The following SYNE2 variants were observed in gnomAD, a reference collection of about 807,000 sequenced individuals.
The protein encoded by SYNE2 is nesprin-2.
SYNE2 carries 431 observed loss-of-function variants against 856.3 expected under a neutral mutation model. That is an observed-to-expected ratio of 0.50 (90% CI 0.47 to 0.55). The LOEUF is 0.55. Ranked by LOEUF, SYNE2 falls within the 20% of genes least tolerant of loss-of-function variation. The probability of loss-of-function intolerance (pLI) is 0.00; values close to 1 mark genes in which losing one functional copy is unlikely to be tolerated. For synonymous variants in SYNE2, 2,923 were observed against 2,872.3 expected (o/e 1.02, Z -0.56); for missense variants, 8,129 against 8,023.2 (o/e 1.01, Z -0.50).
chr14:64,000,467 C>T, intron 27 of SYNE2, 95 bp from the exon 28 acceptor site: 1 of 1,143,922 alleles, frequency 8.7e-7, no homozygotes, highest in Non-Finnish European at 1.3e-6. Context: ...ATTGTGTTTG[C>T]TTCCACAGTT....
Position 64,098,072 on chromosome 14 carries a change from G to A in SYNE2, c.12232G>A (p.Val4078Ile), listed in dbSNP as rs1434469003. The change falls in exon 62 of 116, where the codon GTA (valine) becomes ATA (isoleucine). Residue 4078 changes from valine (V) to isoleucine (I), a missense_variant. Val to Ile is a conservative substitution (Grantham distance 29). Around this residue, in one of 3 missense-constraint regions of SYNE2, gnomAD observed 5,410 missense variants for 5,284.8 expected, o/e 1.02. Coordinates refer to ENST00000555002, the MANE Select transcript of SYNE2 (RefSeq NM_182914.3). ...HQHLKQEQEG[V>I]ERDRLPAVTS... The stretch of plus-strand genomic sequence containing the variant: ...GCATTTGAAGCAAGAACAAGAAGGA[G>A]TAGAAAGAGATAGGCTGCCAGCTGT... 3.1e-6 allele frequency: 5 copies of A among 1,614,092 alleles called. No individual in the cohort carries two copies. Among genetic ancestry groups the A allele is most frequent in the African/African-American group, 1.3e-5 (1 of 74,934 alleles).
In SYNE2 at chr14:64,129,883, G is replaced by A. The variant is rs946386688; in HGVS notation, c.14121G>A (p.Gln4707=). The A allele has an allele frequency of 6.2e-7, 1 of 1,614,022 alleles. No homozygotes were observed. The highest frequency in any genetic ancestry group is 1.3e-5 in the African/African-American group (1 of 74,908). ...TTCATTTACCTTATGCTTTACTCCAGGAGGTTTACAAATTAGAGGTATGCC... is the reference window on the plus strand; with the variant it reads ...TTCATTTACCTTATGCTTTACTCCAAGAGGTTTACAAATTAGAGGTATGCC... ...ERLHLPYALL[Q]EVYKLEDVLD... is the part of the protein sequence containing the mutation. Residue 4707 remains glutamine (Q), a synonymous_variant, in exon 75 of 116, where the codon CAG becomes CAA. Coordinates refer to ENST00000555002, the MANE Select transcript of SYNE2 (RefSeq NM_182914.3).
intron 9 of SYNE2, among the ~76,000 whole-genome samples, chr14:63,962,416 T>C (rs959741246): frequency 6.6e-6 from 1 of 152,226 alleles, no homozygotes; most frequent in African/African-American, 2.4e-5. Context: ...TTATATACCA[T>C]AAAATTCATC....
At chr14:63,883,020 AT>A (rs1821073370) in intron 1 of SYNE2, among the ~76,000 whole-genome samples, 2 of 149,994 alleles carry the variant, frequency 1.3e-5, no homozygotes, top group African/African-American at 2.5e-5. Flanking sequence ...ATTAGGTGGT[AT>A]TTATTGGCAA....
intron 1 of SYNE2, among the ~76,000 whole-genome samples, chr14:63,839,231 G>C (rs926127625): frequency 5.3e-5 from 8 of 151,926 alleles, no homozygotes; most frequent in Non-Finnish European, 1.0e-4. Flanking sequence ...GGGTTTCACC[G>C]TGTTAGCCAG....
At chr14:63,931,698 T>A (rs2095757859) in intron 2 of SYNE2, among the ~76,000 whole-genome samples, 1 of 152,090 alleles carries the variant, frequency 6.6e-6, no homozygotes, top group Non-Finnish European at 1.5e-5. Context: ...AATCAGCAAA[T>A]ATTTATTGAG....
chr14:63,929,850 A>G (rs1391348641), intron 2 of SYNE2, among the ~76,000 whole-genome samples: 6 of 152,188 alleles, frequency 3.9e-5, no homozygotes, highest in Admixed American at 3.9e-4. Context: ...ATGAAATGCA[A>G]GTAGAAAATG....
intron 101 of SYNE2, 194 bp from the exon 102 acceptor site, chr14:64,209,232 CTG>C (rs1457829200): frequency 4.1e-6 from 4 of 971,832 alleles, no homozygotes; most frequent in Admixed American, 2.4e-5. Flanking sequence ...TTTTTAACCT[CTG>C]TGAAGCAGGA....
intron 2 of SYNE2, among the ~76,000 whole-genome samples, chr14:63,920,187 A>G (rs1430835606): frequency 6.6e-6 from 1 of 152,010 alleles, no homozygotes; most frequent in Non-Finnish European, 1.5e-5. Flanking sequence ...CTCTGATTAC[A>G]GAGATACACA....
At chr14:63,976,840 G>A in intron 12 of SYNE2, 113 bp downstream of exon 12, 1 of 1,192,656 alleles carries the variant, frequency 8.4e-7, no homozygotes. Flanking sequence ...ATTTGAGGAT[G>A]GTTTAGAATG....
At chr14:64,012,351 G>A (rs2153519936) in intron 32 of SYNE2, among the ~76,000 whole-genome samples, 1 of 152,250 alleles carries the variant, frequency 6.6e-6, no homozygotes, top group South Asian at 2.1e-4. Context: ...CTGTGTGCTT[G>A]TTGGTTTGTA....
chr14:64,027,435 C>T (rs746748882), intron 42 of SYNE2, 49 bp from the exon 43 acceptor site: 76 of 1,225,194 alleles, frequency 6.2e-5, no homozygotes, highest in Non-Finnish European at 8.2e-5. Context: ...AAATGCTAGT[C>T]CATTTTGCTA....
At chr14:63,982,987 C>T (rs2096598019) in intron 17 of SYNE2, among the ~76,000 whole-genome samples, 193 bp downstream of exon 17, 1 of 152,034 alleles carries the variant, frequency 6.6e-6, no homozygotes, top group Non-Finnish European at 1.5e-5. Context: ...CTTCCAACCC[C>T]CACCCCCTAA....
chr14:64,070,639 A>G lies in SYNE2; in HGVS notation c.10432-6A>G. The G allele has an allele frequency of 1.2e-6, 2 of 1,610,096 alleles. No individual in the cohort carries two copies. The highest frequency in any genetic ancestry group is 1.7e-6 in the Non-Finnish European group (2 of 1,177,882). On this transcript the variant is annotated splice_polypyrimidine_tract_variant and splice_region_variant and intron_variant, in intron 51 of 115. Coordinates refer to ENST00000555002, the MANE Select transcript of SYNE2 (RefSeq NM_182914.3). The stretch of plus-strand genomic sequence containing the variant: ...TTATTTTAGTTCTTTTTGTTTTTTG[A>G]ATTAGATTGAACGAGAGGCAATTAT...
intron 45 of SYNE2, among the ~76,000 whole-genome samples, chr14:64,043,328 A>G (rs1160564848): frequency 6.6e-6 from 1 of 152,208 alleles, no homozygotes; most frequent in East Asian, 1.9e-4. Flanking sequence ...CAGTCTGACA[A>G]TACGATAGAA....
chr14:63,906,341 C>G (rs1193404293), intron 1 of SYNE2, among the ~76,000 whole-genome samples: 2 of 152,120 alleles, frequency 1.3e-5, no homozygotes, highest in African/African-American at 4.8e-5. Flanking sequence ...GGAGGAGTCC[C>G]TCCTCCTTGA....
chr14:64,118,856 G>A (rs573939678), intron 66 of SYNE2, among the ~76,000 whole-genome samples: 53 of 143,536 alleles, frequency 3.7e-4, no homozygotes, highest in Non-Finnish European at 6.9e-4. Flanking sequence ...GTGAGACTCC[G>A]TCTCAGAAAA....
intron 65 of SYNE2, among the ~76,000 whole-genome samples, chr14:64,111,302 T>C (rs2097804523): frequency 6.6e-6 from 1 of 152,124 alleles, no homozygotes; most frequent in South Asian, 2.1e-4. Context: ...TTAATATTAA[T>C]AGATTGTCTT....
rs1275210381 is a variant in SYNE2 at position 64,048,165 on chromosome 14, CAT to C, written c.7377+12_7377+13del. On this transcript the variant is annotated intron_variant, in intron 46 of 115. Coordinates refer to ENST00000555002, the MANE Select transcript of SYNE2 (RefSeq NM_182914.3). ...ATTAGAAGAGATAGAGGTATGGAAA[CAT>C]AAAAACACTGACAACATGATTGCAT... 1 of 1,610,826 alleles carries C rather than the reference CAT, an allele frequency of 6.2e-7. No homozygotes were observed. The highest frequency in any genetic ancestry group is 1.3e-5 in the African/African-American group (1 of 74,924).
Sources: gnomAD v4.1 joint callset for allele counts (sites outside exome capture counted in the v4.1 genomes callset) on GRCh38, gnomAD v4.1.1 for gene constraint, gnomAD v4.1.1 regional missense constraint, MANE v1.5 for transcripts, NCBI Gene and HGNC (gene_info 2026-07-23, HGNC 2026-07-21) for gene names.